Variants in WAPL observed in about 807,000 individuals in gnomAD.
WAPL encodes wings apart-like protein homolog.
In WAPL, 5 loss-of-function variants were observed where a neutral mutation model predicts 121.0. The ratio of observed to expected loss-of-function variants is 0.04; its 90% CI spans 0.02 to 0.09. The LOEUF is 0.09. Ranked by LOEUF, WAPL falls within the 10% of genes least tolerant of loss-of-function variation. The pLI, the probability that WAPL is intolerant of heterozygous loss-of-function variation, is 1.00. For synonymous variants in WAPL, 480 were observed against 481.5 expected (o/e 1.00, Z 0.04); for missense variants, 999 against 1,410.8 (o/e 0.71, Z 4.68).
chr10:86,458,847 G>T, intron 12 of WAPL, 142 bp downstream of exon 12: 1 of 556,188 alleles, frequency 1.8e-6, no homozygotes, highest in South Asian at 3.0e-5. Flanking sequence ...TAAAACTTTT[G>T]TTACACAATG....
intron 8 of WAPL, among the ~76,000 whole-genome samples, chr10:86,468,591 T>C (rs1841457556): frequency 6.6e-6 from 1 of 152,242 alleles, no homozygotes; most frequent in Non-Finnish European, 1.5e-5. Context: ...TAACACATTT[T>C]TTCCCCTGGA....
intron 17 of WAPL, among the ~76,000 whole-genome samples, chr10:86,438,839 A>T (rs897364634): frequency 2.6e-5 from 4 of 152,310 alleles, no homozygotes; most frequent in African/African-American, 9.6e-5. Context: ...AGGAGAGAAA[A>T]CCCTTCATTA....
chr10:86,518,350 T>C (rs1315852043), intron 1 of WAPL, among the ~76,000 whole-genome samples: 2 of 152,250 alleles, frequency 1.3e-5, no homozygotes, highest in Admixed American at 6.5e-5. Flanking sequence ...TTAACCAACT[T>C]ATAATACGAT....
intron 9 of WAPL, among the ~76,000 whole-genome samples, chr10:86,461,541 T>A (rs1841275364): frequency 6.6e-6 from 1 of 152,222 alleles, no homozygotes; most frequent in Non-Finnish European, 1.5e-5. Context: ...GTACTCTTAT[T>A]TCTACAGTAT....
chr10:86,491,849 A>C (rs1483904097), intron 4 of WAPL, among the ~76,000 whole-genome samples: 5 of 152,182 alleles, frequency 3.3e-5, no homozygotes, highest in Non-Finnish European at 4.4e-5. Flanking sequence ...TACTGCAAGC[A>C]TCCATCACTT....
intron 17 of WAPL, 37 bp downstream of exon 17, chr10:86,443,238 C>A: frequency 6.6e-7 from 1 of 1,518,998 alleles, no homozygotes; most frequent in South Asian, 1.2e-5. Context: ...TGGAATCTTT[C>A]AAAGATACAT....
chr10:86,509,822 T>C (rs1429360807), intron 2 of WAPL, among the ~76,000 whole-genome samples: 1 of 150,052 alleles, frequency 6.7e-6, no homozygotes, highest in African/African-American at 2.5e-5. Flanking sequence ...TGGAGTGCAA[T>C]GGCATGGTCT....
chr10:86,479,824 A>G (rs1036887841), intron 4 of WAPL, among the ~76,000 whole-genome samples: 2 of 152,170 alleles, frequency 1.3e-5, no homozygotes, highest in African/African-American at 4.8e-5. Flanking sequence ...AAGTAGAAAA[A>G]AACAATTTGG....
At chr10:86,475,026 T>C (rs1841620718) in intron 4 of WAPL, among the ~76,000 whole-genome samples, 1 of 152,234 alleles carries the variant, frequency 6.6e-6, no homozygotes, top group African/African-American at 2.4e-5. Flanking sequence ...AGCAAAATGT[T>C]ACACTAAGCA....
At chr10:86,441,102 T>C (rs568172476) in intron 17 of WAPL, among the ~76,000 whole-genome samples, 5 of 152,300 alleles carry the variant, frequency 3.3e-5, no homozygotes, top group Non-Finnish European at 7.3e-5. Context: ...CTCCACTCTT[T>C]CTTGTTCCCT....
chr10:86,493,554 G>C (rs951006461), intron 4 of WAPL, among the ~76,000 whole-genome samples: 3 of 152,044 alleles, frequency 2.0e-5, no homozygotes, highest in Non-Finnish European at 4.4e-5. Context: ...TTAAGAGACA[G>C]GGTCTCACTC....
intron 4 of WAPL, among the ~76,000 whole-genome samples, chr10:86,496,137 G>A (rs1842145408): frequency 6.6e-6 from 1 of 151,928 alleles, no homozygotes; most frequent in Non-Finnish European, 1.5e-5. Context: ...AAAAAAACTG[G>A]GCAAAGGACT....
At chr10:86,481,722 AAGC>A (rs1329106594) in intron 4 of WAPL, among the ~76,000 whole-genome samples, 6 of 152,138 alleles carry the variant, frequency 3.9e-5, no homozygotes, top group Admixed American at 6.5e-5. Context: ...CATAGAAAAG[AAGC>A]AGCAGAAAAC....
chr10:86,454,189 T>C (rs10887612), intron 12 of WAPL, among the ~76,000 whole-genome samples: 72,558 of 152,116 alleles, frequency 0.48, 17,542 homozygotes, highest in Non-Finnish European at 0.5. Context: ...CAAATGTTAA[T>C]GTAAAGACAA....
chr10:86,519,302 C>A (rs1045576974), intron 1 of WAPL, among the ~76,000 whole-genome samples: 4 of 152,080 alleles, frequency 2.6e-5, no homozygotes, highest in African/African-American at 9.7e-5. Flanking sequence ...ATGAATACAT[C>A]GAATATAACT....
At chr10:86,470,191 C>A (rs1841505867) in intron 8 of WAPL, among the ~76,000 whole-genome samples, 3 of 152,192 alleles carry the variant, frequency 2.0e-5, no homozygotes, top group African/African-American at 7.2e-5. Context: ...TGCCACCACA[C>A]CCAGCTAATT....
In WAPL at chr10:86,443,380, A is replaced by G. The variant is rs777202075; in HGVS notation, c.3323-17T>C. The G allele has an allele frequency of 2.5e-6, 4 of 1,611,548 alleles. No homozygotes were observed. The highest frequency in any genetic ancestry group is 3.4e-6 in the Non-Finnish European group (4 of 1,177,876). ...GCTGAAGGGCTGAGAGAATTGAAGTAAAGAATTGTAACAGTATATTAATTA... is the reference window on the plus strand; with the variant it reads ...GCTGAAGGGCTGAGAGAATTGAAGTGAAGAATTGTAACAGTATATTAATTA... On this transcript the variant is annotated splice_polypyrimidine_tract_variant and intron_variant, in intron 16 of 18. Transcript: ENST00000298767.
chr10:86,497,186 C>G lies in WAPL; in HGVS notation c.1644+15G>C. The G allele has an allele frequency of 6.4e-7, 1 of 1,570,602 alleles. No homozygotes were observed. Among genetic ancestry groups the G allele is most frequent in the African/African-American group, 1.4e-5 (1 of 73,396 alleles). ...ACAAATAAATAATAAAAATCACTGACAGTGCTTTACTTACCCGTTTGGGGC... is the reference window on the plus strand; with the variant it reads ...ACAAATAAATAATAAAAATCACTGAGAGTGCTTTACTTACCCGTTTGGGGC... On this transcript the variant is annotated intron_variant, in intron 4 of 18. Coordinates refer to ENST00000298767, the MANE Select transcript of WAPL (RefSeq NM_015045.5).
intron 9 of WAPL, chr10:86,467,045 G>T: frequency 2.2e-6 from 1 of 453,490 alleles, no homozygotes; most frequent in Non-Finnish European, 4.0e-6. Flanking sequence ...TAGACAAAAT[G>T]CAACAGAAAA....
Sources: gnomAD v4.1 joint callset for allele counts (sites outside exome capture counted in the v4.1 genomes callset) on GRCh38, gnomAD v4.1.1 for gene constraint, MANE v1.5 for transcripts, NCBI Gene and HGNC (gene_info 2026-07-23, HGNC 2026-07-21) for gene names.